TRPM8: variants seen among roughly 807,000 people sequenced by gnomAD.
TRPM8 encodes transient receptor potential cation channel subfamily M member 8, also known as TRPM8 cationic channel.
A neutral mutation model predicts 133.7 loss-of-function variants in TRPM8; 110 were observed. That is an observed-to-expected ratio of 0.82 (90% confidence interval 0.70 to 0.96). The LOEUF is 0.96. TRPM8 is among the 40% of genes least tolerant of loss of function. TRPM8 has a pLI of 0.00. For synonymous variants in TRPM8, 535 were observed against 532.3 expected (o/e 1.01, Z -0.07); for missense variants, 1,291 against 1,379.5 (o/e 0.94, Z 1.02).
chr2:233,947,015 G>C, intron 7 of TRPM8, 73 bp from the exon 8 acceptor site: 1 of 1,421,658 alleles, frequency 7.0e-7, no homozygotes, highest in South Asian at 1.2e-5. Flanking sequence ...GAAGCTCTTG[G>C]TCCAACTTTT....
At chr2:234,002,882 A>C (rs1489046038) in intron 22 of TRPM8, among the ~76,000 whole-genome samples, 1 of 151,938 alleles carries the variant, frequency 6.6e-6, no homozygotes. Context: ...TTTTTTCCTA[A>C]GGGTATTTGA....
At chr2:233,982,731 A>T (rs1692041126) in intron 19 of TRPM8, among the ~76,000 whole-genome samples, 1 of 152,230 alleles carries the variant, frequency 6.6e-6, no homozygotes, top group Non-Finnish European at 1.5e-5. Flanking sequence ...AGGTACAGGG[A>T]CAGAGAGGTC....
intron 17 of TRPM8, among the ~76,000 whole-genome samples, chr2:233,972,815 TC>T: frequency 6.6e-6 from 1 of 152,064 alleles, no homozygotes; most frequent in South Asian, 2.1e-4. Context: ...GCCCGCAAGC[TC>T]CACACGCAGC....
At chr2:233,978,198 A>AATGTGT (rs1300534105) in intron 17 of TRPM8, among the ~76,000 whole-genome samples, 2 of 146,008 alleles carry the variant, frequency 1.4e-5, no homozygotes, top group African/African-American at 5.1e-5. Context: ...GGAATATTAT[A>AATGTGT]GTGTGTGTGT....
At chr2:233,991,851 C>G (rs1692286327) in intron 21 of TRPM8, among the ~76,000 whole-genome samples, 1 of 152,102 alleles carries the variant, frequency 6.6e-6, no homozygotes, top group Non-Finnish European at 1.5e-5. Flanking sequence ...TACAGAGGAG[C>G]CTAAGGCTTA....
At chr2:233,991,180 T>C (rs1692267237) in intron 21 of TRPM8, among the ~76,000 whole-genome samples, 1 of 152,132 alleles carries the variant, frequency 6.6e-6, no homozygotes, top group African/African-American at 2.4e-5. Flanking sequence ...ATGGAGAGTC[T>C]TTTATAGTAT....
rs1386515027 is a variant in TRPM8, at chr2:233,970,220, G to A, written c.2149G>A (p.Val717Ile). The A allele has an allele frequency of 1.9e-6, 3 of 1,614,148 alleles. No homozygotes were observed. The highest frequency in any genetic ancestry group is 1.1e-5 in the South Asian group (1 of 91,072). ...CGFVSFRKKPVDKHKKLLWYY... is the reference protein window; with the variant it reads ...CGFVSFRKKPIDKHKKLLWYY... ...TATCTCTGGGTCCAGGAAGAAACCT[G>A]TCGACAAGCACAAGAAGCTGCTTTG... Residue 717 changes from valine to isoleucine, a missense_variant, in exon 17 of 26, where the codon GTC (valine) becomes ATC (isoleucine). This residue lies in a region of TRPM8 where 963 missense variants were observed against 968.9 expected (regional missense o/e 0.99). Transcript: ENST00000324695.
rs559907137 is a variant in TRPM8, at chr2:233,958,673, G to C, written c.1363-2103G>C. 2.0e-5 allele frequency among the ~76,000 whole-genome samples: 3 copies of C among 152,202 alleles called. No homozygotes were observed. In the East Asian group the frequency reaches 5.8e-4, roughly 29 times the overall value. On this transcript the variant is annotated intron_variant, in intron 11 of 25. Coordinates refer to ENST00000324695, the MANE Select transcript of TRPM8 (RefSeq NM_024080.5). ...CTTTAAGGACAGAGGAGAAATCATA[G>C]CTGCCATCTTTCCAGAGGTAGCCCC...
intron 11 of TRPM8, among the ~76,000 whole-genome samples, chr2:233,959,086 C>T (rs1257336226): frequency 1.3e-5 from 2 of 152,148 alleles, no homozygotes; most frequent in Non-Finnish European, 2.9e-5. Flanking sequence ...AGTGCAATGG[C>T]ATGATCTCAG....
chr2:233,962,809 G>T (rs1691472713), intron 12 of TRPM8, among the ~76,000 whole-genome samples: 1 of 152,192 alleles, frequency 6.6e-6, no homozygotes, highest in African/African-American at 2.4e-5. Context: ...GTACAGAATG[G>T]TGAATAGGAG....
At chr2:233,927,924 T>TTCTCTCTCTCTTTC (rs1691594138) in intron 2 of TRPM8, among the ~76,000 whole-genome samples, 2 of 28,054 alleles carry the variant, frequency 7.1e-5, no homozygotes, top group African/African-American at 2.1e-4. Context: ...CTCTCTCTCT[T>TTCTCTCTCTCTTTC]TCTCTCTCTC....
intron 6 of TRPM8, 169 bp downstream of exon 6, chr2:233,942,917 G>A (rs1246897317): frequency 1.5e-5 from 10 of 689,110 alleles, no homozygotes; most frequent in East Asian, 1.3e-4. Flanking sequence ...CAAGGATGAC[G>A]TACCTAATTA....
At chr2:234,011,823 A>T (rs572272409) in intron 24 of TRPM8, among the ~76,000 whole-genome samples, 1 of 148,302 alleles carries the variant, frequency 6.7e-6, no homozygotes, top group South Asian at 2.1e-4. Flanking sequence ...AGGCTAAGGC[A>T]GGAGAATGGC....
At chr2:233,925,817 G>T (rs1691503075) in intron 1 of TRPM8, among the ~76,000 whole-genome samples, 1 of 152,104 alleles carries the variant, frequency 6.6e-6, no homozygotes, top group Non-Finnish European at 1.5e-5. Flanking sequence ...CTTCGGATGT[G>T]GGTCTGAGTT....
chr2:233,955,124 T>G lies in TRPM8; in HGVS notation c.1244-8T>G. ...TGGTGAGTTGAGTCTTTTCCTGCCC[T>G]CTCACAGCCTTCAGCACCAGTGAGC... is the stretch of plus-strand genomic sequence containing the variant. On this transcript the variant is annotated splice_region_variant and splice_polypyrimidine_tract_variant and intron_variant, in intron 10 of 25. Coordinates refer to ENST00000324695, the MANE Select transcript of TRPM8 (RefSeq NM_024080.5). 1.9e-6 allele frequency: 3 copies of G among 1,609,262 alleles called. No individual in the cohort carries two copies. Among genetic ancestry groups the G allele is most frequent in the African/African-American group, 2.7e-5 (2 of 74,790 alleles).
At chr2:233,997,282 AG>A (rs1413887075) in intron 22 of TRPM8, among the ~76,000 whole-genome samples, 3 of 152,246 alleles carry the variant, frequency 2.0e-5, no homozygotes, top group Non-Finnish European at 4.4e-5. Flanking sequence ...TCAAAAAAAA[AG>A]AAAGAAAGAA....
rs73120743 is a variant in TRPM8 at position 233,937,959 on chromosome 2, G to A, written c.348+450G>A. On this transcript the variant is annotated intron_variant, in intron 4 of 25. Transcript: ENST00000324695. ...AGAAATAGCCTTTCCTACATCCTCC[G>A]TGCTCCCAGTCTCAATGAGAGCACC... 5.7e-3 allele frequency among the ~76,000 whole-genome samples: 872 copies of A among 152,194 alleles called. 14 individuals carry two copies. Among genetic ancestry groups the A allele is most frequent in the African/African-American group, 0.02 (837 of 41,514 alleles).
intron 2 of TRPM8, among the ~76,000 whole-genome samples, chr2:233,928,988 GTTTCT>G (rs1299673452): frequency 7.1e-6 from 1 of 141,766 alleles, no homozygotes; most frequent in Non-Finnish European, 1.5e-5. Flanking sequence ...TTTTTTGTGA[GTTTCT>G]TTTCTTTTTT....
chr2:233,950,101 G>A lies in TRPM8; in HGVS notation c.1095G>A (p.Thr365=), dbSNP rs200632625. ...KEKLVRFLPR[T]VSRLPEEETE... ...AGCTGGTGCGCTTTTTACCCCGCACGGTGTCCCGGCTGCCTGAGGAGGAGA... is the reference window on the plus strand; with the variant it reads ...AGCTGGTGCGCTTTTTACCCCGCACAGTGTCCCGGCTGCCTGAGGAGGAGA... Residue 365 remains threonine, a synonymous_variant, in exon 9 of 26, where the codon ACG becomes ACA. Transcript: ENST00000324695. 267 of 1,613,466 alleles carry A rather than the reference G, an allele frequency of 1.7e-4. No homozygotes were observed. The highest frequency in any genetic ancestry group is 1.8e-4 in the Non-Finnish European group (218 of 1,180,026).
Sources: allele counts gnomAD v4.1 joint callset (sites outside exome capture counted in the v4.1 genomes callset), GRCh38; gene constraint gnomAD v4.1.1; regional missense constraint gnomAD v4.1.1; transcripts MANE v1.5; gene names NCBI Gene and HGNC (gene_info 2026-07-23, HGNC 2026-07-21).